WWOX: variants seen among roughly 807,000 people sequenced by gnomAD.
WWOX encodes the protein WW domain containing oxidoreductase.
In WWOX, 69 loss-of-function variants were observed where a neutral mutation model predicts 46.2. The ratio of observed to expected loss-of-function variants is 1.49; its 90% confidence interval spans 1.23 to 1.82. The LOEUF (loss-of-function observed/expected upper bound fraction) is 1.82, where lower values mean the gene tolerates loss of function less well. Among genes scored for constraint, WWOX ranks in the 40% most tolerant of loss-of-function variants. The pLI, the probability that WWOX is intolerant of heterozygous loss-of-function variation, is 0.00. For missense variants in WWOX, 919 were observed against 542.6 expected, an observed-to-expected ratio of 1.69 and a Z score of -6.89; for synonymous variants, 359 against 202.6, an observed-to-expected ratio of 1.77 and a Z score of -6.56.
At chr16:78,532,553 G>A (rs2738491) in intron 8 of WWOX, among the ~76,000 whole-genome samples, 122,424 of 152,124 alleles carry the variant, frequency 0.8, 50,989 homozygotes, top group East Asian at 0.93. Flanking sequence ...ACAAAAGACT[G>A]TATTAGTCTG....
intron 5 of WWOX, among the ~76,000 whole-genome samples, chr16:78,372,079 A>G (rs1441546603): frequency 6.6e-6 from 1 of 152,164 alleles, no homozygotes; most frequent in Non-Finnish European, 1.5e-5. Context: ...CCTAATTGTG[A>G]AGGAGACTGG....
chr16:78,556,334 T>C (rs2044296449), intron 8 of WWOX, among the ~76,000 whole-genome samples: 1 of 151,784 alleles, frequency 6.6e-6, no homozygotes, highest in Non-Finnish European at 1.5e-5. Flanking sequence ...CTTGGCTTGC[T>C]GGCTGTCAGG....
intron 5 of WWOX, among the ~76,000 whole-genome samples, chr16:78,307,475 G>A (rs1417794829): frequency 6.6e-6 from 1 of 152,178 alleles, no homozygotes; most frequent in Non-Finnish European, 1.5e-5. Flanking sequence ...AGGAAACAGG[G>A]AGAAGAGGTG....
chr16:79,008,421 C>T (rs1182450461), intron 8 of WWOX, among the ~76,000 whole-genome samples: 1 of 152,170 alleles, frequency 6.6e-6, no homozygotes, highest in Non-Finnish European at 1.5e-5. Flanking sequence ...GAAATTCCTC[C>T]CCCTTTGCTT....
chr16:79,028,722 A>C (rs1204749555), intron 8 of WWOX, among the ~76,000 whole-genome samples: 1 of 151,774 alleles, frequency 6.6e-6, no homozygotes, highest in East Asian at 1.9e-4. Flanking sequence ...TTACTCTCTA[A>C]ACTTCTTTCC....
At chr16:79,150,177 C>T (rs568693039) in intron 8 of WWOX, among the ~76,000 whole-genome samples, 1 of 152,188 alleles carries the variant, frequency 6.6e-6, no homozygotes, top group East Asian at 1.9e-4. Context: ...AAAATGAAAA[C>T]TCTTCTTGTT....
intron 8 of WWOX, among the ~76,000 whole-genome samples, chr16:79,074,556 C>G (rs2048618476): frequency 6.6e-6 from 1 of 151,380 alleles, no homozygotes; most frequent in Admixed American, 6.6e-5. Context: ...TCTCTACACT[C>G]CTACTTGGAA....
intron 5 of WWOX, among the ~76,000 whole-genome samples, chr16:78,174,559 C>T (rs1335413120): frequency 6.6e-6 from 1 of 152,218 alleles, no homozygotes; most frequent in East Asian, 1.9e-4. Flanking sequence ...TTTATTACAT[C>T]CAAATATCCC....
chr16:78,674,047 C>T (rs1045959356), intron 8 of WWOX, among the ~76,000 whole-genome samples: 5 of 151,874 alleles, frequency 3.3e-5, no homozygotes, highest in African/African-American at 1.2e-4. Context: ...TTTGGATTCT[C>T]GATGGGAACC....
rs142622999 is a variant in WWOX, at chr16:78,281,894, G to T, written c.517-104966G>T. ...GGTCCCCTCTTTATTTAATCCCTTAGTTTTGATGATCTTTTATGGGTTATA... is the reference window on the plus strand; with the variant it reads ...GGTCCCCTCTTTATTTAATCCCTTATTTTTGATGATCTTTTATGGGTTATA... On this transcript the variant is annotated intron_variant, in intron 5 of 8. Coordinates refer to ENST00000566780, the MANE Select transcript of WWOX (RefSeq NM_016373.4). Among the ~76,000 whole-genome samples, 753 of 152,290 alleles carry T rather than the reference G, an allele frequency of 4.9e-3. 3 individuals carry two copies. Among genetic ancestry groups the T allele is most frequent in the South Asian group, 0.018 (86 of 4,828 alleles).
intron 8 of WWOX, among the ~76,000 whole-genome samples, chr16:78,902,435 C>A (rs780359986): frequency 7.2e-5 from 11 of 152,198 alleles, no homozygotes; most frequent in Non-Finnish European, 2.9e-5. Flanking sequence ...CCACGCGGGG[C>A]GGGCGGGAGA....
At chr16:78,975,539 C>G (rs1421931257) in intron 8 of WWOX, among the ~76,000 whole-genome samples, 2 of 151,640 alleles carry the variant, frequency 1.3e-5, no homozygotes, top group African/African-American at 2.4e-5. Flanking sequence ...CCCATGAAAT[C>G]TGAATACCAC....
rs1392474431 is a variant in WWOX at position 79,212,318 on chromosome 16, A to C, written c.*522A>C. 2 of 827,772 alleles carry C rather than the reference A, an allele frequency of 2.4e-6. No homozygotes were observed. The highest frequency in any genetic ancestry group is 6.0e-5 in the Admixed American group (2 of 33,576). 51.3% of individuals were successfully genotyped at this position (827,772 alleles called of 1,614,324 possible). Reference sequence around the variant, plus strand: ...AGCAACTGCTGGGGAGACAAATCTCAGAACCTTGTCCCAGCCAGTGAGGAT... The same window carrying C: ...AGCAACTGCTGGGGAGACAAATCTCCGAACCTTGTCCCAGCCAGTGAGGAT... On this transcript the variant is annotated 3_prime_UTR_variant, in exon 9 of 9. Coordinates refer to ENST00000566780, the MANE Select transcript of WWOX (RefSeq NM_016373.4).
chr16:78,869,525 C>T (rs1489843514), intron 8 of WWOX, among the ~76,000 whole-genome samples: 1 of 152,228 alleles, frequency 6.6e-6, no homozygotes, highest in African/African-American at 2.4e-5. Flanking sequence ...AAATAGGATT[C>T]ATTTCATGAC....
Position 79,086,961 on chromosome 16 carries a change from A to C in WWOX, c.1057-124647A>C, listed in dbSNP as rs191139163. ...TCTAGTACAGACTCTGCAGAGCACTAGGAAGCCCCGTGTCTGAATGGGATA... is the reference window on the plus strand; with the variant it reads ...TCTAGTACAGACTCTGCAGAGCACTCGGAAGCCCCGTGTCTGAATGGGATA... On this transcript the variant is annotated intron_variant, in intron 8 of 8. Transcript: ENST00000566780. Among the ~76,000 whole-genome samples, 6 of 152,316 alleles carry C rather than the reference A, an allele frequency of 3.9e-5. No individual in the cohort carries two copies. In the East Asian group the frequency reaches 9.6e-4, roughly 24 times the overall value.
At chr16:78,112,872 A>C (rs1366136270) in intron 3 of WWOX, among the ~76,000 whole-genome samples, 1 of 151,342 alleles carries the variant, frequency 6.6e-6, no homozygotes, top group Admixed American at 6.6e-5. Context: ...GCTAATTTTT[A>C]AAGACTTTTT....
intron 8 of WWOX, among the ~76,000 whole-genome samples, chr16:79,144,829 G>A (rs1406155651): frequency 6.6e-6 from 1 of 152,138 alleles, no homozygotes; most frequent in African/African-American, 2.4e-5. Context: ...CCACATTTAT[G>A]TAACTTTTAT....
At chr16:78,425,282 T>A (rs923716969) in intron 7 of WWOX, among the ~76,000 whole-genome samples, 2 of 152,180 alleles carry the variant, frequency 1.3e-5, no homozygotes, top group African/African-American at 4.8e-5. Context: ...ACGACTATAC[T>A]TCAAGCTCCT....
intron 8 of WWOX, chr16:79,105,942 GA>G (rs1195041711): frequency 6.6e-6 from 1 of 152,168 alleles, no homozygotes; most frequent in Non-Finnish European, 1.5e-5. Flanking sequence ...CGAAGTGTTG[GA>G]ATTATAGGCA....
Sources: gnomAD v4.1 joint callset for allele counts (sites outside exome capture counted in the v4.1 genomes callset) on GRCh38, gnomAD v4.1.1 for gene constraint, MANE v1.5 for transcripts, NCBI Gene and HGNC (gene_info 2026-07-23, HGNC 2026-07-21) for gene names.